Variants in ANKFN1 observed in about 807,000 individuals in gnomAD.
ANKFN1 encodes the protein ankyrin repeat and fibronectin type III domain containing 1, also known as ankyrin repeat and fibronectin type-III domain-containing protein 1.
A neutral mutation model predicts 108.7 loss-of-function variants in ANKFN1; 74 were observed. The ratio of observed to expected loss-of-function variants is 0.68; its 90% CI spans 0.56 to 0.83. The LOEUF (loss-of-function observed/expected upper bound fraction) is 0.83. ANKFN1 is among the 40% of genes least tolerant of loss of function. ANKFN1 has a pLI of 0.00. For synonymous variants in ANKFN1, 547 were observed against 516.2 expected, an observed-to-expected ratio of 1.06 and a Z score of -0.81; for missense variants, 1,505 against 1,382.3, an observed-to-expected ratio of 1.09 and a Z score of -1.41.
chr17:56,273,095 C>T (rs1351263322), intron 3 of ANKFN1, among the ~76,000 whole-genome samples: 1 of 152,294 alleles, frequency 6.6e-6, no homozygotes, highest in African/African-American at 2.4e-5. Context: ...TTGCACATGG[C>T]TGACACTCCG....
At chr17:56,358,452 C>T (rs150617872) in intron 6 of ANKFN1, among the ~76,000 whole-genome samples, 124 of 152,266 alleles carry the variant, frequency 8.1e-4, no homozygotes, top group African/African-American at 2.9e-3. Context: ...TGTTTCCTTA[C>T]TCATAGAAAA....
At chr17:56,101,750 A>ATGG (rs1467524911) in intron 4 of ANKFN1, among the ~76,000 whole-genome samples, 23 of 152,336 alleles carry the variant, frequency 1.5e-4, no homozygotes, top group Admixed American at 2.0e-4. Context: ...TGAGATGCAA[A>ATGG]AATAAAACTG....
At chr17:56,105,250 G>T (rs112445377) in intron 4 of ANKFN1, among the ~76,000 whole-genome samples, 147 of 152,280 alleles carry the variant, frequency 9.7e-4, no homozygotes, top group Middle Eastern at 3.4e-3. Context: ...TGGAGGGATT[G>T]ATGAGTGACT....
chr17:56,064,097 C>T (rs1905022015), intron 4 of ANKFN1, among the ~76,000 whole-genome samples: 2 of 152,180 alleles, frequency 1.3e-5, no homozygotes. Context: ...GGCTGGAGAA[C>T]AGCAAAGATG....
Position 56,466,335 on chromosome 17 carries a change from C to T in ANKFN1, c.1558-21C>T, listed in dbSNP as rs778203935. The T allele has an allele frequency of 2.3e-5, 37 of 1,604,758 alleles. 1 individual carries two copies. The highest frequency in any genetic ancestry group is 1.2e-4 in the South Asian group (11 of 90,860). ...GTTAGCATAATACCCTCTATGCTAC[C>T]GGTAATCCATTTGTTTCCAGAATTT... On this transcript the variant is annotated intron_variant, in intron 14 of 20. Transcript: ENST00000682825.
intron 3 of ANKFN1, among the ~76,000 whole-genome samples, chr17:56,319,631 A>G (rs16957094): frequency 0.11 from 16,868 of 152,164 alleles, 998 homozygotes; most frequent in Middle Eastern, 0.17. Flanking sequence ...ATTCATTATG[A>G]CCAAATCTAG....
chr17:56,174,488 C>T (rs2192229), intron 1 of ANKFN1: 73,011 of 878,582 alleles, frequency 0.083, 5,843 homozygotes, highest in African/African-American at 0.37. Context: ...TACTTGTGCT[C>T]CCCCTCCATG....
intron 1 of ANKFN1, among the ~76,000 whole-genome samples, chr17:56,193,044 C>T (rs1038587019): frequency 1.8e-5 from 2 of 111,282 alleles, no homozygotes; most frequent in Admixed American, 9.7e-5. Flanking sequence ...AAATGTGGCA[C>T]ATATACACCA....
In ANKFN1 at chr17:56,466,571, G is replaced by C; in HGVS notation, c.1773G>C (p.Gln591His). The change falls in exon 15 of 21, where the codon CAG becomes CAC. Residue 591 changes from glutamine (Q) to histidine (H), a missense_variant and splice_region_variant. Physicochemically the swap from Gln to His is conservative, Grantham distance 24. Transcript: ENST00000682825. Reference sequence around the variant, plus strand: ...TAGACATTCTACTGATAACCATCCAGGTATGTAGTTTTTTTCTTAATTCCC... The same window carrying C: ...TAGACATTCTACTGATAACCATCCACGTATGTAGTTTTTTTCTTAATTCCC... ...TALDILLITI[Q>H]DILSYHKRSH... is the part of the protein sequence containing the mutation. The C allele has an allele frequency of 6.2e-7, 1 of 1,601,630 alleles. No homozygotes were observed. The highest frequency in any genetic ancestry group is 8.5e-7 in the Non-Finnish European group (1 of 1,173,498).
chr17:56,112,339 T>G (rs1428950706), intron 4 of ANKFN1, among the ~76,000 whole-genome samples: 1 of 152,126 alleles, frequency 6.6e-6, no homozygotes, highest in Non-Finnish European at 1.5e-5. Flanking sequence ...TTACTGTTTA[T>G]GAGTCATAAT....
rs117504158 is a variant in ANKFN1, at chr17:56,084,291, G to A, written c.288+37966G>A. Among the ~76,000 whole-genome samples the A allele has an allele frequency of 3.9e-3, 593 of 151,432 alleles. 23 individuals are homozygous for A. Among genetic ancestry groups the A allele is most frequent in the South Asian group, 0.02 (96 of 4,796 alleles). ...TGAACAGGACGTGCAGCAGTTGGATGTTGTCACGGCAACCAAGAATGGGGT... is the reference window on the plus strand; with the variant it reads ...TGAACAGGACGTGCAGCAGTTGGATATTGTCACGGCAACCAAGAATGGGGT... On this transcript the variant is annotated intron_variant, in intron 4 of 12. Coordinates refer to the ANKFN1 transcript ENST00000635860.
intron 6 of ANKFN1, among the ~76,000 whole-genome samples, chr17:56,370,305 A>G (rs1395288782): frequency 2.0e-5 from 3 of 152,224 alleles, no homozygotes; most frequent in Non-Finnish European, 2.9e-5. Flanking sequence ...GGGAAAATGC[A>G]GAAACAAAAT....
chr17:56,464,102 G>A (rs886530438), intron 14 of ANKFN1, among the ~76,000 whole-genome samples: 5 of 152,118 alleles, frequency 3.3e-5, no homozygotes, highest in Non-Finnish European at 7.4e-5. Flanking sequence ...ATGGAAGATG[G>A]TTCCAATTTA....
At chr17:56,067,897 C>A (rs1905078781) in intron 4 of ANKFN1, among the ~76,000 whole-genome samples, 1 of 152,130 alleles carries the variant, frequency 6.6e-6, no homozygotes, top group Non-Finnish European at 1.5e-5. Context: ...TCTAGAGATG[C>A]AAGGCATTGG....
At chr17:56,473,316 T>C (rs1051614792) in intron 15 of ANKFN1, 2 of 152,016 alleles carry the variant, frequency 1.3e-5, no homozygotes, top group African/African-American at 4.8e-5. Context: ...AAAAGCAGAT[T>C]AGAGGTCAAA....
At chr17:56,091,687 C>T (rs547768194) in intron 4 of ANKFN1, among the ~76,000 whole-genome samples, 3 of 151,524 alleles carry the variant, frequency 2.0e-5, no homozygotes, top group South Asian at 2.1e-4. Flanking sequence ...ACACTGATAA[C>T]GTTCAGATTT....
intron 1 of ANKFN1, among the ~76,000 whole-genome samples, chr17:56,194,585 G>T (rs545497307): frequency 2.6e-5 from 4 of 152,314 alleles, no homozygotes; most frequent in Admixed American, 2.0e-4. Flanking sequence ...GTTGCCAGTG[G>T]TTAGCAGGGT....
intron 8 of ANKFN1, among the ~76,000 whole-genome samples, chr17:56,399,843 TTA>T (rs71139904): frequency 0.024 from 1,531 of 64,744 alleles, 12 homozygotes; most frequent in South Asian, 0.06. Context: ...ATTCCATTTT[TTA>T]TATATATATA....
chr17:56,327,800 A>C (rs929526662), intron 4 of ANKFN1, among the ~76,000 whole-genome samples: 1 of 152,214 alleles, frequency 6.6e-6, no homozygotes, highest in Admixed American at 6.5e-5. Flanking sequence ...TGCTAAACTC[A>C]GTTAATGTTT....
Sources: gnomAD v4.1 joint callset for allele counts (sites outside exome capture counted in the v4.1 genomes callset) on GRCh38, gnomAD v4.1.1 for gene constraint, MANE v1.5 for transcripts, NCBI Gene and HGNC (gene_info 2026-07-23, HGNC 2026-07-21) for gene names.